Variants in NDST1 observed in about 807,000 individuals in gnomAD.
The protein encoded by NDST1 is N-deacetylase and N-sulfotransferase 1.
In NDST1, 35 loss-of-function variants were observed where a neutral mutation model predicts 92.8. The observed-to-expected ratio is 0.38, with a 90% CI of 0.29 to 0.50. The LOEUF (loss-of-function observed/expected upper bound fraction) is 0.50. NDST1 is among the 20% of genes least tolerant of loss of function. NDST1 has a pLI of 0.94. For missense variants in NDST1, 822 were observed against 1,182.7 expected, an observed-to-expected ratio of 0.69 and a Z score of 4.47; for synonymous variants, 493 against 500.3, an observed-to-expected ratio of 0.99 and a Z score of 0.19.
chr5:150,552,105 A>G (rs968330595), intron 14 of NDST1, among the ~76,000 whole-genome samples: 1 of 152,186 alleles, frequency 6.6e-6, no homozygotes, highest in Non-Finnish European at 1.5e-5. Context: ...TGAGCCAGAC[A>G]TGTTCTCTGC....
intron 4 of NDST1, 129 bp downstream of exon 4, chr5:150,533,161 C>G: frequency 1.1e-6 from 1 of 919,584 alleles, no homozygotes; most frequent in South Asian, 1.3e-5. Context: ...GGTGACCCCT[C>G]TGCCCCCGTG....
chr5:150,534,277 A>T (rs1754882814), intron 4 of NDST1, among the ~76,000 whole-genome samples: 3 of 151,754 alleles, frequency 2.0e-5, no homozygotes, highest in African/African-American at 7.3e-5. Context: ...TATTTTAAAA[A>T]TTTTTGTAGA....
At chr5:150,509,598 C>T (rs376781538) in intron 1 of NDST1, among the ~76,000 whole-genome samples, 13 of 152,226 alleles carry the variant, frequency 8.5e-5, no homozygotes, top group African/African-American at 3.1e-4. Flanking sequence ...CTGTAATCTC[C>T]GCCTCCCAGG....
chr5:150,550,301 C>T (rs1755665356), intron 13 of NDST1: 1 of 172,146 alleles, frequency 5.8e-6, no homozygotes, highest in African/African-American at 2.4e-5. Context: ...GGGGTTTCAC[C>T]ATGTTGCTCA....
intron 6 of NDST1, among the ~76,000 whole-genome samples, chr5:150,538,580 G>A (rs920228282): frequency 6.6e-6 from 1 of 152,138 alleles, no homozygotes. Context: ...ATGACTGCAG[G>A]GTTTTTAGTC....
chr5:150,505,881 A>C (rs1753431160), upstream of NDST1, among the ~76,000 whole-genome samples: 2 of 152,138 alleles, frequency 1.3e-5, no homozygotes. Context: ...CCGGGCTTCC[A>C]GCAATCCTCC....
Position 150,537,073 on chromosome 5 carries a change from A to G in NDST1, c.1437+1188A>G, listed in dbSNP as rs1755026369. On this transcript the variant is annotated intron_variant, in intron 6 of 14. Transcript: ENST00000261797. ...AATTGTGAAGATTTCATGGACATTT[A>G]TCGCTTCCCCAATCAATACTCTTGT... Among the ~76,000 whole-genome samples, 3 of 152,248 alleles carry G rather than the reference A, an allele frequency of 2.0e-5. No individual in the cohort carries two copies. The South Asian group carries it at 6.2e-4, about 31-fold the overall frequency.
intron 1 of NDST1, among the ~76,000 whole-genome samples, chr5:150,501,716 G>A (rs760064860): frequency 1.3e-5 from 2 of 152,246 alleles, no homozygotes; most frequent in Non-Finnish European, 2.9e-5. Context: ...AACACATGGA[G>A]ACCCTGTTTT....
intron 12 of NDST1, 61 bp downstream of exon 12, chr5:150,548,449 G>A (rs1755585129): frequency 2.5e-6 from 4 of 1,574,994 alleles, no homozygotes; most frequent in Non-Finnish European, 3.4e-6. Flanking sequence ...GTGGTTAGCG[G>A]AGAGCCTCCA....
chr5:150,548,439 G>A, intron 12 of NDST1, 51 bp downstream of exon 12: 1 of 1,589,356 alleles, frequency 6.3e-7, no homozygotes, highest in Non-Finnish European at 8.5e-7. Flanking sequence ...CTGGCTTGCT[G>A]TGGTTAGCGG....
Position 150,553,447 on chromosome 5 carries a change from A to G in NDST1, c.*115A>G, listed in dbSNP as rs553158799. 7.0e-7 allele frequency: 1 copy of G among 1,421,518 alleles called. No homozygotes were observed. Among genetic ancestry groups the G allele is most frequent in the East Asian group, 2.4e-5 (1 of 40,986 alleles). The allele number at this position is 1,421,518 out of a possible 1,614,324, so 88.1% of individuals were successfully genotyped here. A position where few individuals can be genotyped will look rare whatever the true frequency, so the allele number is the denominator to read the frequency against. On this transcript the variant is annotated 3_prime_UTR_variant, in exon 15 of 15. Coordinates refer to ENST00000261797, the MANE Select transcript of NDST1 (RefSeq NM_001543.5). This position sits in a 1 kb window ranked among gnomAD's most constrained non-coding sequence, Gnocchi z 4.2. ...CAGGGCAGCTGCGCACTTATGAGCA[A>G]TACTCTGTGGAGGTCTGGTGGGGCT...
In NDST1 at chr5:150,540,202, C is replaced by A; in HGVS notation, c.1687C>A (p.Pro563Thr). 6.2e-7 allele frequency: 1 copy of A among 1,614,152 alleles called. No homozygotes were observed. Among genetic ancestry groups the A allele is most frequent in the Non-Finnish European group, 8.5e-7 (1 of 1,180,010 alleles). ...WTNLRLQTLP[P>T]VQLAQKYFQI... The stretch of plus-strand genomic sequence containing the variant: ...GAACCTCCGGCTGCAGACACTGCCC[C>A]CTGTGCAGTTGGCGCAGAAGTACTT... The change falls in exon 8 of 15, where the codon CCT (proline) becomes ACT (threonine). Residue 563 changes from proline (P) to threonine (T), a missense_variant. Pro to Thr is a conservative substitution (Grantham distance 38). Coordinates refer to ENST00000261797, the MANE Select transcript of NDST1 (RefSeq NM_001543.5).
intron 2 of NDST1, among the ~76,000 whole-genome samples, chr5:150,526,709 A>G (rs1456087084): frequency 1.3e-5 from 2 of 152,206 alleles, no homozygotes; most frequent in African/African-American, 4.8e-5. Flanking sequence ...AAGAGGGTAT[A>G]TGCATTGGGT....
intron 1 of NDST1, among the ~76,000 whole-genome samples, chr5:150,516,520 G>A (rs1390433855): frequency 6.6e-6 from 1 of 152,192 alleles, no homozygotes; most frequent in Non-Finnish European, 1.5e-5. Context: ...ACTTGCCCAA[G>A]ATTACATAGC....
In NDST1 at chr5:150,554,900, C is replaced by G. The variant is rs1229302465; in HGVS notation, c.*1568C>G. Reference sequence around the variant, plus strand: ...AAGTGACTGAGGCTGGGGTGCCTCTCCCTGGCCCCCTCCAACTGCCAAATT... The same window carrying G: ...AAGTGACTGAGGCTGGGGTGCCTCTGCCTGGCCCCCTCCAACTGCCAAATT... On this transcript the variant is annotated 3_prime_UTR_variant, in exon 15 of 15. Transcript: ENST00000261797. The G allele has an allele frequency of 6.5e-6, 1 of 152,796 alleles. No individual in the cohort carries two copies. The highest frequency in any genetic ancestry group is 1.5e-5 in the Non-Finnish European group (1 of 68,162). The allele number at this position is 152,796 out of a possible 1,614,324, so 9.5% of individuals were successfully genotyped here.
intron 1 of NDST1, among the ~76,000 whole-genome samples, chr5:150,508,791 T>G (rs1328196702): frequency 6.6e-6 from 1 of 152,168 alleles, no homozygotes; most frequent in Non-Finnish European, 1.5e-5. Flanking sequence ...ACTCTGAATT[T>G]GTGTGTCTGG....
chr5:150,507,297 G>T (rs1383185471), upstream of NDST1, among the ~76,000 whole-genome samples: 2 of 151,658 alleles, frequency 1.3e-5, no homozygotes, highest in Non-Finnish European at 2.9e-5. Flanking sequence ...AGCTCTCAGA[G>T]CCTGCAGTTC....
intron 1 of NDST1, among the ~76,000 whole-genome samples, chr5:150,517,161 CT>C (rs1050572627): frequency 6.6e-6 from 1 of 151,838 alleles, no homozygotes; most frequent in Non-Finnish European, 1.5e-5. Flanking sequence ...TGGTACTTTT[CT>C]TTTTTTTGAG....
intron 6 of NDST1, among the ~76,000 whole-genome samples, 200 bp downstream of exon 6, chr5:150,536,085 T>A (rs1228415824): frequency 6.6e-6 from 1 of 152,240 alleles, no homozygotes; most frequent in Non-Finnish European, 1.5e-5. Flanking sequence ...TCATGAGCTC[T>A]TTCTTAGCTT....
Sources: allele counts gnomAD v4.1 joint callset (sites outside exome capture counted in the v4.1 genomes callset), GRCh38; gene constraint gnomAD v4.1.1; non-coding constraint Gnocchi (gnomAD v3.1); transcripts MANE v1.5; gene names NCBI Gene and HGNC (gene_info 2026-07-23, HGNC 2026-07-21).